The following HNRNPA0 variants were observed in gnomAD, a reference collection of about 807,000 sequenced individuals.
HNRNPA0 encodes the protein heterogeneous nuclear ribonucleoprotein A0, also known as hnRNA binding protein.
For missense variants in HNRNPA0, 252 were observed against 433.7 expected, an observed-to-expected ratio of 0.58 and a Z score of 3.72; for synonymous variants, 243 against 195.5, an observed-to-expected ratio of 1.24 and a Z score of -2.03.
In HNRNPA0 at chr5:137,753,415, T is replaced by C. The variant is rs1212487238; in HGVS notation, c.652A>G (p.Asn218Asp). ...GLSKGGGGGY[N>D]SYGGYGGGGG... Reference sequence around the variant, plus strand: ...CCGCCGCCGTAACCACCGTAGCTGTTGTAACCGCCGCCGCCGCCCTTGGAA... The same window carrying C: ...CCGCCGCCGTAACCACCGTAGCTGTCGTAACCGCCGCCGCCGCCCTTGGAA... The change falls in exon 1 of 1, where the codon AAC (asparagine) becomes GAC (aspartate). Residue 218 changes from asparagine to aspartate, a missense_variant. Transcript: ENST00000314940. The surrounding 1 kb of genome is among the most constrained non-coding windows in gnomAD (Gnocchi z 6.1). 2.3e-5 allele frequency: 35 copies of C among 1,547,848 alleles called. No individual in the cohort carries two copies. The highest frequency in any genetic ancestry group is 2.9e-5 in the Non-Finnish European group (33 of 1,145,940).
rs1261182443 is a variant in HNRNPA0, at chr5:137,750,887, GAGAA to G, written c.*2258_*2261del. 2 of 152,208 alleles carry G rather than the reference GAGAA, an allele frequency of 1.3e-5. No individual in the cohort carries two copies. Among genetic ancestry groups the G allele is most frequent in the Admixed American group, 1.3e-4 (2 of 15,298 alleles). 9.4% of individuals were successfully genotyped at this position (152,208 alleles called of 1,614,324 possible). ...ACAACCTTATTAAACTGAAAACCCT[GAGAA>G]AGGTGTACTATTCCAATTGACCCAG... On this transcript the variant is annotated 3_prime_UTR_variant, in exon 1 of 1. Coordinates refer to ENST00000314940, the MANE Select transcript of HNRNPA0 (RefSeq NM_006805.4).
In HNRNPA0 at chr5:137,752,203, C is replaced by T. The variant is rs1234839707; in HGVS notation, c.*946G>A. 1 of 151,468 alleles carries T rather than the reference C, an allele frequency of 6.6e-6. No individual in the cohort carries two copies. The allele number at this position is 151,468 out of a possible 1,614,324, so 9.4% of individuals were successfully genotyped here. On this transcript the variant is annotated 3_prime_UTR_variant, in exon 1 of 1. Transcript: ENST00000314940. ...AACCCTTATTTTTAACCATTCATTA[C>T]AGACAAACCAGTAAGAGGGATGAAA...
Position 137,753,077 on chromosome 5 carries a change from A to G in HNRNPA0, c.*72T>C. Reference sequence around the variant, plus strand: ...CGGTGTGTGTGAGGGGGTGGGGCTTAGGAGTTGACCCCACTTGGGCTGTTG... The same window carrying G: ...CGGTGTGTGTGAGGGGGTGGGGCTTGGGAGTTGACCCCACTTGGGCTGTTG... On this transcript the variant is annotated 3_prime_UTR_variant, in exon 1 of 1. Transcript: ENST00000314940. The surrounding 1 kb of genome is among the most constrained non-coding windows in gnomAD (Gnocchi z 6.1). The G allele has an allele frequency of 1.4e-6, 2 of 1,480,520 alleles. No homozygotes were observed. The highest frequency in any genetic ancestry group is 1.8e-6 in the Non-Finnish European group (2 of 1,088,722). The allele number at this position is 1,480,520 out of a possible 1,614,324, so 91.7% of individuals were successfully genotyped here.
In HNRNPA0 at chr5:137,746,950, G is replaced by T. The variant is rs1410236582; in HGVS notation, c.*6199C>A. 2 of 147,966 alleles carry T rather than the reference G, an allele frequency of 1.4e-5. No individual in the cohort carries two copies. Among genetic ancestry groups the T allele is most frequent in the South Asian group, 4.3e-4 (2 of 4,692 alleles). 9.2% of individuals were successfully genotyped at this position (147,966 alleles called of 1,614,324 possible). ...CAAGTCATAAGAAAATGTGAAAGAAGTTTTTTTTTTTAATTTCACTGAAGA... is the reference window on the plus strand; with the variant it reads ...CAAGTCATAAGAAAATGTGAAAGAATTTTTTTTTTTTAATTTCACTGAAGA... On this transcript the variant is annotated 3_prime_UTR_variant, in exon 1 of 1. Transcript: ENST00000314940.
rs1280641387 is a variant in HNRNPA0, at chr5:137,751,614, C to T, written c.*1535G>A. The T allele has an allele frequency of 2.0e-5, 3 of 151,840 alleles. No individual in the cohort carries two copies. The highest frequency in any genetic ancestry group is 4.4e-5 in the Non-Finnish European group (3 of 67,878). The allele number at this position is 151,840 out of a possible 1,614,324, so 9.4% of individuals were successfully genotyped here. Reference sequence around the variant, plus strand: ...TTATTTGTGATATCCATAAACGTTGCTATTCTCTATTTCTATCCAGAAAGG... The same window carrying T: ...TTATTTGTGATATCCATAAACGTTGTTATTCTCTATTTCTATCCAGAAAGG... On this transcript the variant is annotated 3_prime_UTR_variant, in exon 1 of 1. Coordinates refer to ENST00000314940, the MANE Select transcript of HNRNPA0 (RefSeq NM_006805.4).
rs1171233115 is a variant in HNRNPA0 at position 137,748,662 on chromosome 5, C to T, written c.*4487G>A. On this transcript the variant is annotated 3_prime_UTR_variant, in exon 1 of 1. Coordinates refer to ENST00000314940, the MANE Select transcript of HNRNPA0 (RefSeq NM_006805.4). ...CAAGTGAGGCTCGGGCCAGTTTGTC[C>T]AAGGTCGCAGTGCTAGAAAGTGACT... 1.3e-5 allele frequency: 2 copies of T among 152,098 alleles called. No individual in the cohort carries two copies. Among genetic ancestry groups the T allele is most frequent in the African/African-American group, 4.8e-5 (2 of 41,398 alleles). The allele number at this position is 152,098 out of a possible 1,614,324, so 9.4% of individuals were successfully genotyped here.
rs1483287014 is a variant in HNRNPA0, at chr5:137,753,297, C to G, written c.770G>C (p.Ser257Thr). The G allele has an allele frequency of 6.3e-7, 1 of 1,578,114 alleles. No homozygotes were observed. The highest frequency in any genetic ancestry group is 1.9e-5 in the Admixed American group (1 of 53,994). ...ATAGGAGGACTGATGCTGGCTGTAGCTGCCGAAGCCGCCGAAGCCGTTACC... is the reference window on the plus strand; with the variant it reads ...ATAGGAGGACTGATGCTGGCTGTAGGTGCCGAAGCCGCCGAAGCCGTTACC... ...DYGNGFGGFG[S>T]YSQHQSSYGP... Residue 257 changes from serine (S) to threonine (T), a missense_variant, in exon 1 of 1, where the codon AGC becomes ACC. By Grantham distance (58) the Ser-to-Thr change is moderately conservative. Transcript: ENST00000314940. This position sits in a 1 kb window ranked among gnomAD's most constrained non-coding sequence, Gnocchi z 6.1.
Position 137,753,707 on chromosome 5 carries a change from C to T in HNRNPA0, c.360G>A (p.Gln120=), listed in dbSNP as rs1753552461. The T allele has an allele frequency of 6.2e-7, 1 of 1,613,674 alleles. No individual in the cohort carries two copies. Among genetic ancestry groups the T allele is most frequent in the Non-Finnish European group, 8.5e-7 (1 of 1,180,054 alleles). ...TCTCGGCCTTTTCCACGGTGCCAAA[C>T]TGCGAGAAGTGCTCGATCAGGTCGC... ...AEGDLIEHFS[Q]FGTVEKAEII... is the part of the protein sequence containing the mutation. Residue 120 remains glutamine (Q), a synonymous_variant, in exon 1 of 1, where the codon CAG becomes CAA. Transcript: ENST00000314940. The surrounding 1 kb of genome is among the most constrained non-coding windows in gnomAD (Gnocchi z 6.1).
Position 137,751,384 on chromosome 5 carries a change from T to C in HNRNPA0, c.*1765A>G, listed in dbSNP as rs1753495361. 1 of 151,094 alleles carries C rather than the reference T, an allele frequency of 6.6e-6. No homozygotes were observed. The highest frequency in any genetic ancestry group is 2.1e-4 in the South Asian group (1 of 4,766). 9.4% of individuals were successfully genotyped at this position (151,094 alleles called of 1,614,324 possible). On this transcript the variant is annotated 3_prime_UTR_variant, in exon 1 of 1. Coordinates refer to ENST00000314940, the MANE Select transcript of HNRNPA0 (RefSeq NM_006805.4). Reference sequence around the variant, plus strand: ...ACAGTGACAAGAAGTTAAAAAATGGTTCAATATTAAAATATTATTTTATTT... The same window carrying C: ...ACAGTGACAAGAAGTTAAAAAATGGCTCAATATTAAAATATTATTTTATTT...
At position 137,746,598 on chromosome 5, in the gene HNRNPA0, C is replaced by T. The variant is rs1753413242; in HGVS notation, c.*6551G>A. The T allele has an allele frequency of 6.6e-6, 1 of 152,158 alleles. No homozygotes were observed. The highest frequency in any genetic ancestry group is 2.1e-4 in the South Asian group (1 of 4,828). The allele number at this position is 152,158 out of a possible 1,614,324, so 9.4% of individuals were successfully genotyped here. A position where few individuals can be genotyped will look rare whatever the true frequency, so the allele number is the denominator to read the frequency against. On this transcript the variant is annotated 3_prime_UTR_variant, in exon 1 of 1. Coordinates refer to ENST00000314940, the MANE Select transcript of HNRNPA0 (RefSeq NM_006805.4). ...GCTCAAATGTCACTTTCTGAGAGAC[C>T]TACCCATACCACCTATTTTAAAGTA...
rs770156947 is a variant in HNRNPA0, at chr5:137,753,647, T to A, written c.420A>T (p.Gly140=). The A allele has an allele frequency of 6.2e-7, 1 of 1,614,146 alleles. No homozygotes were observed. The highest frequency in any genetic ancestry group is 1.1e-5 in the South Asian group (1 of 91,090). Residue 140 remains glycine, a synonymous_variant, in exon 1 of 1, where the codon GGA becomes GGT. Coordinates refer to ENST00000314940, the MANE Select transcript of HNRNPA0 (RefSeq NM_006805.4). The surrounding 1 kb of genome is among the most constrained non-coding windows in gnomAD (Gnocchi z 6.1). ...IADKQSGKKR[G]FGFVYFQNHD... is the part of the protein sequence containing the mutation. ...GATTCTGGAAATACACGAAGCCGAA[T>A]CCACGCTTCTTGCCGGACTGCTTGT...
rs1325516824 is a variant in HNRNPA0, at chr5:137,752,898, A to C, written c.*251T>G. ...CCAAGGTCCAAGTAATAATAAAAAA[A>C]TAGAGTCCATCAATGACTGTAACAC... On this transcript the variant is annotated 3_prime_UTR_variant, in exon 1 of 1. Transcript: ENST00000314940. 2.4e-6 allele frequency: 1 copy of C among 414,616 alleles called. No individual in the cohort carries two copies. The highest frequency in any genetic ancestry group is 3.9e-5 in the Admixed American group (1 of 25,502). The allele number at this position is 414,616 out of a possible 1,614,324, so 25.7% of individuals were successfully genotyped here. A position where few individuals can be genotyped will look rare whatever the true frequency, so the allele number is the denominator to read the frequency against.
Position 137,753,719 on chromosome 5 carries a change from C to G in HNRNPA0, c.348G>C (p.Glu116Asp). The part of the protein sequence containing the change: ...KGDVAEGDLI[E>D]HFSQFGTVEK... ...CCACGGTGCCAAACTGCGAGAAGTG[C>G]TCGATCAGGTCGCCCTCAGCCACGT... Residue 116 changes from glutamate (E) to aspartate (D), a missense_variant, in exon 1 of 1, where the codon GAG becomes GAC. Glu to Asp is a conservative substitution (Grantham distance 45, BLOSUM62 2). Coordinates refer to ENST00000314940, the MANE Select transcript of HNRNPA0 (RefSeq NM_006805.4). This position sits in a 1 kb window ranked among gnomAD's most constrained non-coding sequence, Gnocchi z 6.1. 1 of 1,613,466 alleles carries G rather than the reference C, an allele frequency of 6.2e-7. No individual in the cohort carries two copies. The highest frequency in any genetic ancestry group is 8.5e-7 in the Non-Finnish European group (1 of 1,180,042).
rs1388823962 is a variant in HNRNPA0, at chr5:137,753,449, C to G, written c.618G>C (p.Gln206His). The change falls in exon 1 of 1, where the codon CAG becomes CAC. Residue 206 changes from glutamine (Q) to histidine (H), a missense_variant. Transcript: ENST00000314940. The surrounding 1 kb of genome is among the most constrained non-coding windows in gnomAD (Gnocchi z 6.1). ...CGCCGCCGCCCTTGGAAAGGCCGTT[C>G]TGGTCTCGACCACCGCCGCGCCCCC... is the stretch of plus-strand genomic sequence containing the variant. ...GGRGRGGGRD[Q>H]NGLSKGGGGG... The G allele has an allele frequency of 1.3e-6, 2 of 1,557,134 alleles. No homozygotes were observed. The highest frequency in any genetic ancestry group is 1.2e-5 in the South Asian group (1 of 85,740).
At position 137,754,183 on chromosome 5, in the gene HNRNPA0, C is replaced by A; in HGVS notation, c.-117G>T. The A allele has an allele frequency of 7.5e-7, 1 of 1,328,974 alleles. No homozygotes were observed. The highest frequency in any genetic ancestry group is 2.6e-5 in the East Asian group (1 of 39,052). 82.3% of individuals were successfully genotyped at this position (1,328,974 alleles called of 1,614,324 possible). On this transcript the variant is annotated 5_prime_UTR_variant, in exon 1 of 1. Transcript: ENST00000314940. ...GCCCAGCCGTTGCTGGAGCCACCCC[C>A]GCCGCTCACCGACGGGGAAGGGAAA...
chr5:137,746,578 A>T lies in HNRNPA0; in HGVS notation c.*6571T>A, dbSNP rs1041815794. ...CACATTTCCTTCAAGTCTTTGCTCAAATGTCACTTTCTGAGAGACCTACCC... is the reference window on the plus strand; with the variant it reads ...CACATTTCCTTCAAGTCTTTGCTCATATGTCACTTTCTGAGAGACCTACCC... On this transcript the variant is annotated 3_prime_UTR_variant, in exon 1 of 1. Transcript: ENST00000314940. 1 of 152,160 alleles carries T rather than the reference A, an allele frequency of 6.6e-6. No homozygotes were observed. The highest frequency in any genetic ancestry group is 1.5e-5 in the Non-Finnish European group (1 of 68,028). 9.4% of individuals were successfully genotyped at this position (152,160 alleles called of 1,614,324 possible).
In HNRNPA0 at chr5:137,748,495, C is replaced by G. The variant is rs561051552; in HGVS notation, c.*4654G>C. On this transcript the variant is annotated 3_prime_UTR_variant, in exon 1 of 1. Coordinates refer to ENST00000314940, the MANE Select transcript of HNRNPA0 (RefSeq NM_006805.4). ...GTATGCCTTTTGCTAGTCTGTCCCA[C>G]CTCTTCATTAGGGGCCATATAGTAA... The G allele has an allele frequency of 6.6e-6, 1 of 152,116 alleles. No homozygotes were observed. Among genetic ancestry groups the G allele is most frequent in the Non-Finnish European group, 1.5e-5 (1 of 68,014 alleles). 9.4% of individuals were successfully genotyped at this position (152,116 alleles called of 1,614,324 possible). A position where few individuals can be genotyped will look rare whatever the true frequency, so the allele number is the denominator to read the frequency against.
rs888790574 is a variant in HNRNPA0, at chr5:137,750,159, C to T, written c.*2990G>A. The T allele has an allele frequency of 1.3e-5, 2 of 151,960 alleles. No individual in the cohort carries two copies. 9.4% of individuals were successfully genotyped at this position (151,960 alleles called of 1,614,324 possible). Reference sequence around the variant, plus strand: ...AAAAAATCTAAAATGCTCCAAAATCCGAAATTTTTTGAGTGCAGACATGAC... The same window carrying T: ...AAAAAATCTAAAATGCTCCAAAATCTGAAATTTTTTGAGTGCAGACATGAC... On this transcript the variant is annotated 3_prime_UTR_variant, in exon 1 of 1. Transcript: ENST00000314940.
At position 137,745,812 on chromosome 5, in the gene HNRNPA0, G is replaced by C. The variant is rs1271649022; in HGVS notation, c.*7337C>G. The C allele has an allele frequency of 6.6e-6, 1 of 152,164 alleles. No individual in the cohort carries two copies. Among genetic ancestry groups the C allele is most frequent in the Non-Finnish European group, 1.5e-5 (1 of 68,028 alleles). 9.4% of individuals were successfully genotyped at this position (152,164 alleles called of 1,614,324 possible). A position where few individuals can be genotyped will look rare whatever the true frequency, so the allele number is the denominator to read the frequency against. ...TCACACAGAGCACATTTTTATACGA[G>C]GGATGTTTCTGCCTAGGGACTCAGT... On this transcript the variant is annotated 3_prime_UTR_variant, in exon 1 of 1. Transcript: ENST00000314940.
Sources: allele counts gnomAD v4.1 joint callset, GRCh38; gene constraint gnomAD v4.1.1; non-coding constraint Gnocchi (gnomAD v3.1); transcripts MANE v1.5; gene names NCBI Gene and HGNC (gene_info 2026-07-23, HGNC 2026-07-21).